RNF213: variants seen among roughly 807,000 people sequenced by gnomAD.
The protein encoded by RNF213 is E3 ubiquitin-protein ligase RNF213.
Under a neutral mutation model 514.4 loss-of-function variants are expected in RNF213, and 341 were observed. The ratio of observed to expected loss-of-function variants is 0.66; its 90% CI spans 0.61 to 0.73. RNF213 has a LOEUF of 0.73. Ranked by LOEUF, RNF213 falls within the 30% of genes least tolerant of loss-of-function variation. The pLI, the probability that RNF213 is intolerant of heterozygous loss-of-function variation, is 0.00. For synonymous variants in RNF213, 2,655 were observed against 2,658.2 expected (o/e 1.00, Z 0.04); for missense variants, 5,767 against 6,615.6 (o/e 0.87, Z 4.45).
chr17:80,385,641 T>C lies in RNF213; in HGVS notation c.14539+20T>C. 1.2e-6 allele frequency: 2 copies of C among 1,605,092 alleles called. No individual in the cohort carries two copies. Among genetic ancestry groups the C allele is most frequent in the Non-Finnish European group, 1.7e-6 (2 of 1,171,846 alleles). ...CGAACGGTTAGTATCCTGTCCCCTG[T>C]ACCACTAAGCGTTCCAGGAGAGCCT... is the stretch of plus-strand genomic sequence containing the variant. On this transcript the variant is annotated intron_variant, in intron 61 of 67. Coordinates refer to ENST00000582970, the MANE Select transcript of RNF213 (RefSeq NM_001256071.3).
At chr17:80,274,518 G>C (rs936266926) in intron 3 of RNF213, among the ~76,000 whole-genome samples, 1 of 129,742 alleles carries the variant, frequency 7.7e-6, no homozygotes, top group African/African-American at 3.0e-5. Context: ...TCTGTCTGTC[G>C]TTCCTTGTAG....
intron 20 of RNF213, 23 bp downstream of exon 20, chr17:80,328,500 A>G (rs1430210992): frequency 6.5e-7 from 1 of 1,536,962 alleles, no homozygotes. Flanking sequence ...AGAAGTGAAC[A>G]AAGTTGAGGG....
chr17:80,335,433 G>A (rs896055076), intron 22 of RNF213, among the ~76,000 whole-genome samples: 6 of 152,130 alleles, frequency 3.9e-5, no homozygotes, highest in Admixed American at 3.9e-4. Context: ...TGGGAGAGCC[G>A]CTGCTTTCAG....
intron 42 of RNF213, 30 bp from the exon 43 acceptor site, chr17:80,367,718 C>T: frequency 6.3e-7 from 1 of 1,595,104 alleles, no homozygotes; most frequent in Non-Finnish European, 8.6e-7. Context: ...CTCCCCCCTG[C>T]TAATGACTCC....
At chr17:80,381,040 T>C in intron 56 of RNF213, 53 bp downstream of exon 56, 1 of 1,589,798 alleles carries the variant, frequency 6.3e-7, no homozygotes, top group Non-Finnish European at 8.6e-7. Flanking sequence ...TGCTTTCGCT[T>C]CTTCCCAGGG....
At chr17:80,379,392 A>C in intron 54 of RNF213, 2 of 564,096 alleles carry the variant, frequency 3.5e-6, no homozygotes, top group Non-Finnish European at 6.5e-6. Flanking sequence ...ATAAAGCTTA[A>C]ATTGTCTCAC....
chr17:80,305,778 C>T (rs1171929868), intron 11 of RNF213, among the ~76,000 whole-genome samples: 2 of 151,900 alleles, frequency 1.3e-5, no homozygotes, highest in Admixed American at 1.3e-4. Context: ...TGCCACCATG[C>T]CTGGCTGATT....
intron 10 of RNF213, 86 bp from the exon 11 acceptor site, chr17:80,298,235 G>T: frequency 7.2e-7 from 1 of 1,388,316 alleles, no homozygotes; most frequent in Admixed American, 1.9e-5. Flanking sequence ...TGTGCACGGT[G>T]CTTGCTTCCT....
At position 80,373,060 on chromosome 17, in the gene RNF213, G is replaced by T. The variant is rs765116016; in HGVS notation, c.12837G>T (p.Leu4279=). The change falls in exon 49 of 68, where the codon CTG becomes CTT. Residue 4279 remains leucine (L), a synonymous_variant. Coordinates refer to ENST00000582970, the MANE Select transcript of RNF213 (RefSeq NM_001256071.3). ...AGAACGACTGGCACCGGGTGTACCT[G>T]GTGCGGAAGCTCAGCAGCCAGCGGG... ...RVENDWHRVY[L]VRKLSSQRGM... is the part of the protein sequence containing the mutation. 1.2e-6 allele frequency: 2 copies of T among 1,613,884 alleles called. No individual in the cohort carries two copies.
In RNF213 at chr17:80,346,820, C is replaced by G. The variant is rs777658173; in HGVS notation, c.8485C>G (p.Gln2829Glu). 2.5e-6 allele frequency: 4 copies of G among 1,614,158 alleles called. No individual in the cohort carries two copies. In the East Asian group the frequency reaches 8.9e-5, roughly 36 times the overall value. ...ISTFRQCARF[Q>E]QGKDLQQYVS... ...CACCTTCCGGCAGTGCGCCCGCTTT[C>G]AGCAGGGGAAGGACCTGCAGCAGTA... Residue 2829 changes from glutamine to glutamate, a missense_variant, in exon 29 of 68, where the codon CAG becomes GAG. By Grantham distance (29) the Gln-to-Glu change is conservative. Around this residue, in one of 13 missense-constraint regions of RNF213, gnomAD observed 105 missense variants for 183.9 expected, o/e 0.57. Transcript: ENST00000582970. This position sits in a 1 kb window ranked among gnomAD's most constrained non-coding sequence, Gnocchi z 8.1.
In RNF213 at chr17:80,353,781, G is replaced by A; in HGVS notation, c.10578+115G>A. ...AGTCGCCGCCGCTGTGCAGGGGTGA[G>A]GATGGCGCCCCACTTTCCTCACACA... On this transcript the variant is annotated intron_variant, in intron 34 of 67. Transcript: ENST00000582970. The surrounding 1 kb of genome is among the most constrained non-coding windows in gnomAD (Gnocchi z 5.0). The A allele has an allele frequency of 7.1e-7, 1 of 1,417,182 alleles. No individual in the cohort carries two copies. Among genetic ancestry groups the A allele is most frequent in the Non-Finnish European group, 9.9e-7 (1 of 1,007,304 alleles). 87.8% of individuals were successfully genotyped at this position (1,417,182 alleles called of 1,614,324 possible). A position where few individuals can be genotyped will look rare whatever the true frequency, so the allele number is the denominator to read the frequency against.
In RNF213 at chr17:80,340,269, C is replaced by T. The variant is rs778323986; in HGVS notation, c.5902C>T (p.Arg1968Trp). The T allele has an allele frequency of 3.1e-5, 50 of 1,613,996 alleles. No individual in the cohort carries two copies. Among genetic ancestry groups the T allele is most frequent in the South Asian group, 1.9e-4 (17 of 91,088 alleles). Reference sequence around the variant, plus strand: ...CCAAGCCTACCTGGCAGGTCACTACCGGGTCCCGAAGCAGACCCTGTCGGC... The same window carrying T: ...CCAAGCCTACCTGGCAGGTCACTACTGGGTCCCGAAGCAGACCCTGTCGGC... ...AIQAYLAGHY[R>W]VPKQTLSAAA... The change falls in exon 26 of 68, where the codon CGG becomes TGG. Residue 1968 changes from arginine (R) to tryptophan (W), a missense_variant. This residue lies in a region of RNF213 where 1,377 missense variants were observed against 1,635.2 expected (regional missense o/e 0.84). Coordinates refer to ENST00000582970, the MANE Select transcript of RNF213 (RefSeq NM_001256071.3).
Position 80,383,712 on chromosome 17 carries a change from C to T in RNF213, c.14106C>T (p.Leu4702=), listed in dbSNP as rs1490514932. ...AAACCCTTCCCACCATGAATAATCT[C>T]ATCAGCCAAGATAAGCGTATCAGCT... ...LDKTLPTMNN[L]ISQDKRISSN... The change falls in exon 59 of 68, where the codon CTC becomes CTT. Residue 4702 remains leucine (L), a synonymous_variant. Transcript: ENST00000582970. 1 of 1,613,966 alleles carries T rather than the reference C, an allele frequency of 6.2e-7. No individual in the cohort carries two copies. The highest frequency in any genetic ancestry group is 1.6e-4 in the Middle Eastern group (1 of 6,062).
chr17:80,315,900 G>A (rs1805108713), intron 15 of RNF213, among the ~76,000 whole-genome samples: 3 of 115,026 alleles, frequency 2.6e-5, no homozygotes, highest in Non-Finnish European at 4.0e-5. Context: ...TGGTGAAGGT[G>A]ATGGTGGTGA....
Position 80,376,499 on chromosome 17 carries a change from T to C in RNF213, c.13384T>C (p.Leu4462=), listed in dbSNP as rs1568156912. The C allele has an allele frequency of 5.6e-6, 9 of 1,614,182 alleles. No homozygotes were observed. The highest frequency in any genetic ancestry group is 6.8e-6 in the Non-Finnish European group (8 of 1,180,038). Residue 4462 remains leucine (L), a synonymous_variant, in exon 52 of 68, where the codon TTG becomes CTG. Transcript: ENST00000582970. ...AVLLCGQNEL[L]EPLKNLAFSP... ...CCTTCTGTGTGGACAGAATGAACTC[T>C]TGGAGCCCCTAAAGAATCTGGCCTT...
intron 17 of RNF213, among the ~76,000 whole-genome samples, chr17:80,321,913 A>G (rs573054101): frequency 2.6e-3 from 388 of 151,192 alleles, no homozygotes; most frequent in Admixed American, 4.7e-3. Flanking sequence ...TTTGGTAGAG[A>G]CGGGGTTTTG....
Position 80,295,768 on chromosome 17 carries a change from A to G in RNF213, c.1967A>G (p.Asp656Gly). ...HLLTSDASSP[D>G]EFHRDLSHIL... is the part of the protein sequence containing the mutation. ...CTAACCTCAGATGCCAGCTCACCAG[A>G]TGAGTTTCACCGTGACCTAAGCCAC... Residue 656 changes from aspartate to glycine, a missense_variant, in exon 10 of 68, where the codon GAT (aspartate) becomes GGT (glycine). Physicochemically the swap from Asp to Gly is moderately conservative, Grantham distance 94. Around this residue, in one of 13 missense-constraint regions of RNF213, gnomAD observed 592 missense variants for 673.9 expected, o/e 0.88. Coordinates refer to ENST00000582970, the MANE Select transcript of RNF213 (RefSeq NM_001256071.3). The G allele has an allele frequency of 6.2e-7, 1 of 1,614,196 alleles. No homozygotes were observed. Among genetic ancestry groups the G allele is most frequent in the South Asian group, 1.1e-5 (1 of 91,076 alleles).
chr17:80,304,705 T>C (rs2045298553), intron 11 of RNF213, among the ~76,000 whole-genome samples: 1 of 152,132 alleles, frequency 6.6e-6, no homozygotes, highest in Non-Finnish European at 1.5e-5. Context: ...GTATATCCCT[T>C]TTATTGTAAA....
At position 80,380,896 on chromosome 17, in the gene RNF213, CAT is replaced by C. The variant is rs763828869; in HGVS notation, c.13707_13708del (p.Cys4570Ter). ...AACCCGCAGCGGAGAGACGTGGTGA[CAT>C]GTGACCGAGGGCTGCCCCCAGTGGT... is the stretch of plus-strand genomic sequence containing the variant. On this transcript the variant is annotated frameshift_variant, in exon 56 of 68. Transcript: ENST00000582970. LOFTEE classifies it high-confidence loss of function. 1.9e-6 allele frequency: 3 copies of C among 1,614,066 alleles called. No homozygotes were observed. The highest frequency in any genetic ancestry group is 2.7e-5 in the African/African-American group (2 of 74,910).
Sources: allele counts gnomAD v4.1 joint callset (sites outside exome capture counted in the v4.1 genomes callset), GRCh38; gene constraint gnomAD v4.1.1; regional missense constraint gnomAD v4.1.1; non-coding constraint Gnocchi (gnomAD v3.1); transcripts MANE v1.5; gene names NCBI Gene and HGNC (gene_info 2026-07-23, HGNC 2026-07-21).